Variants in UNC13C observed in about 807,000 individuals in gnomAD.
The protein encoded by UNC13C is protein unc-13 homolog C.
In UNC13C, 174 loss-of-function variants were observed where a neutral mutation model predicts 245.4. That is an observed-to-expected ratio of 0.71 (90% CI 0.63 to 0.80). UNC13C has a LOEUF of 0.80. UNC13C is among the 30% of genes least tolerant of loss of function. The pLI, the probability that UNC13C is intolerant of heterozygous loss-of-function variation, is 0.00. For missense variants in UNC13C, 2,829 were observed against 2,602.9 expected (o/e 1.09, Z -1.89); for synonymous variants, 992 against 895.1 (o/e 1.11, Z -1.93).
intron 30 of UNC13C, among the ~76,000 whole-genome samples, chr15:54,607,861 G>T (rs193192752): frequency 2.0e-5 from 3 of 152,236 alleles, no homozygotes; most frequent in Non-Finnish European, 4.4e-5. Flanking sequence ...CCTCCCACCC[G>T]TTCCCTCCCC....
At chr15:53,888,327 T>C in the UNC13C span, among the ~76,000 whole-genome samples, 7 of 152,378 alleles carry the variant, frequency 4.6e-5, no homozygotes, top group Non-Finnish European at 7.3e-5. Context: ...TTTTTTCATA[T>C]GTTTGTTGGC....
At chr15:54,308,655 C>T (rs994795501) in intron 13 of UNC13C, among the ~76,000 whole-genome samples, 1 of 151,794 alleles carries the variant, frequency 6.6e-6, no homozygotes, top group African/African-American at 2.4e-5. Context: ...CCAGCACCCA[C>T]CCTGCTAGCC....
At chr15:53,886,074 T>C in the UNC13C span, among the ~76,000 whole-genome samples, 1 of 152,154 alleles carries the variant, frequency 6.6e-6, no homozygotes, top group Non-Finnish European at 1.5e-5. Context: ...GGATAAGAGT[T>C]GGAGACATTG....
intron 17 of UNC13C, among the ~76,000 whole-genome samples, chr15:54,359,576 A>G (rs2039180450): frequency 6.6e-6 from 1 of 151,830 alleles, no homozygotes; most frequent in African/African-American, 2.4e-5. Context: ...GGTAGGCTGT[A>G]TGTGTTCAGG....
At chr15:54,352,297 T>TATATAATTAATATATATTTTATATAA in intron 17 of UNC13C, among the ~76,000 whole-genome samples, 1 of 146,128 alleles carries the variant, frequency 6.8e-6, no homozygotes, top group African/African-American at 2.5e-5. Context: ...TAATTATATT[T>TATATAATTAATATATATTTTATATAA]ATATAATTAA....
intron 4 of UNC13C, among the ~76,000 whole-genome samples, chr15:54,188,182 G>A (rs77335028): frequency 0.027 from 4,044 of 152,126 alleles, 90 homozygotes; most frequent in Middle Eastern, 0.058. Context: ...GGTACATAAC[G>A]GGATTGAATA....
At chr15:53,908,770 A>AAAAG in the UNC13C span, among the ~76,000 whole-genome samples, 1 of 142,376 alleles carries the variant, frequency 7.0e-6, no homozygotes, top group South Asian at 2.4e-4. Context: ...AAAAAAAAAA[A>AAAAG]GTGTATCTAA....
At chr15:53,994,537 C>T (rs1894531249) in intron 1 of UNC13C, among the ~76,000 whole-genome samples, 1 of 152,002 alleles carries the variant, frequency 6.6e-6, no homozygotes, top group African/African-American at 2.4e-5. Context: ...AGATCAAATA[C>T]TCTAAAGAGG....
chr15:53,942,222 A>T, the UNC13C span, among the ~76,000 whole-genome samples: 1 of 152,222 alleles, frequency 6.6e-6, no homozygotes, highest in African/African-American at 2.4e-5. Flanking sequence ...CTATGCACCC[A>T]TAAAAAGGAG....
chr15:54,008,957 C>T (rs1054191068), intron 1 of UNC13C, among the ~76,000 whole-genome samples: 5 of 152,096 alleles, frequency 3.3e-5, no homozygotes, highest in African/African-American at 7.2e-5. Flanking sequence ...GGGAGGATTA[C>T]GGAGATAATT....
chr15:54,203,771 T>C (rs2034609685), intron 4 of UNC13C, among the ~76,000 whole-genome samples: 1 of 110,878 alleles, frequency 9.0e-6, no homozygotes, highest in Admixed American at 9.0e-5. Context: ...TATATGTATA[T>C]ATACACACAC....
intron 4 of UNC13C, among the ~76,000 whole-genome samples, chr15:54,151,603 C>T (rs910283102): frequency 1.3e-5 from 2 of 152,086 alleles, no homozygotes; most frequent in Non-Finnish European, 2.9e-5. Flanking sequence ...GGGGTTTCAC[C>T]AAGTTGCCCA....
intron 17 of UNC13C, among the ~76,000 whole-genome samples, chr15:54,350,650 A>C (rs1354698412): frequency 1.3e-5 from 2 of 152,194 alleles, no homozygotes; most frequent in African/African-American, 4.8e-5. Context: ...AGCATCTAAC[A>C]AGTATAAAAC....
intron 10 of UNC13C, among the ~76,000 whole-genome samples, chr15:54,281,741 A>T (rs2037003017): frequency 6.6e-6 from 1 of 152,230 alleles, no homozygotes; most frequent in South Asian, 2.1e-4. Context: ...TTCTTACAAC[A>T]GTATTATGAG....
Position 54,015,734 on chromosome 15 carries a change from A to G in UNC13C, c.2831A>G (p.Glu944Gly), listed in dbSNP as rs1457429558. The G allele has an allele frequency of 1.9e-6, 3 of 1,613,482 alleles. No individual in the cohort carries two copies. The African/African-American group carries it at 4.0e-5, about 22-fold the overall frequency. Reference sequence around the variant, plus strand: ...GAACCCTTAAATGAAACATCAGCTGAGATGGAAATAAGAGAAGATGAAAAC... The same window carrying G: ...GAACCCTTAAATGAAACATCAGCTGGGATGGAAATAAGAGAAGATGAAAAC... ...GLEPLNETSAEMEIREDENQN... is the reference protein window; with the variant it reads ...GLEPLNETSAGMEIREDENQN... The change falls in exon 2 of 33, where the codon GAG (glutamate) becomes GGG (glycine). Residue 944 changes from glutamate to glycine, a missense_variant. Coordinates refer to ENST00000260323, the MANE Select transcript of UNC13C (RefSeq NM_001080534.3).
At chr15:53,929,546 G>T in the UNC13C span, among the ~76,000 whole-genome samples, 1 of 151,582 alleles carries the variant, frequency 6.6e-6, no homozygotes, top group Non-Finnish European at 1.5e-5. Context: ...GTTTAACATA[G>T]ATCAGCTTAG....
At chr15:54,083,909 G>A (rs183094781) in intron 2 of UNC13C, among the ~76,000 whole-genome samples, 4 of 152,188 alleles carry the variant, frequency 2.6e-5, no homozygotes, top group Non-Finnish European at 4.4e-5. Context: ...CTCAGTTTGG[G>A]TCTGAGTGGG....
chr15:54,303,378 C>A (rs1340705269), intron 13 of UNC13C, among the ~76,000 whole-genome samples: 4 of 152,142 alleles, frequency 2.6e-5, no homozygotes, highest in African/African-American at 9.7e-5. Context: ...CAACCTGCTG[C>A]TGGATAGAAT....
chr15:54,630,624 G>A (rs760410817), downstream of UNC13C: 5 of 152,016 alleles, frequency 3.3e-5, no homozygotes, highest in African/African-American at 1.2e-4. Flanking sequence ...CTCCCCTGTG[G>A]AATGAATTTT....
Sources: allele counts gnomAD v4.1 joint callset (sites outside exome capture counted in the v4.1 genomes callset), GRCh38; gene constraint gnomAD v4.1.1; transcripts MANE v1.5; gene names NCBI Gene and HGNC (gene_info 2026-07-23, HGNC 2026-07-21).